Variants in DTNA observed in about 807,000 individuals in gnomAD.
DTNA encodes dystrobrevin alpha.
In DTNA, 43 loss-of-function variants were observed where a neutral mutation model predicts 100.7. The observed-to-expected ratio is 0.43, with a 90% CI of 0.33 to 0.55. DTNA has a LOEUF of 0.55. Ranked by LOEUF, DTNA falls within the 20% of genes least tolerant of loss-of-function variation. DTNA has a pLI of 0.04. For synonymous variants in DTNA, 349 were observed against 347.9 expected (o/e 1.00, Z -0.04); for missense variants, 798 against 953.9 (o/e 0.84, Z 2.15).
chr18:34,499,500 G>A lies in DTNA; in HGVS notation c.-2+5986G>A, dbSNP rs2039660049. On this transcript the variant is annotated intron_variant, in intron 1 of 19. Coordinates refer to the DTNA transcript ENST00000283365. ...TGTATAATATGTATTAATTTCTTTG[G>A]GATAAATTCCCAGAAGTTACACGTT... Among the ~76,000 whole-genome samples the A allele has an allele frequency of 2.0e-5, 3 of 151,938 alleles. 1 individual carries two copies. In the South Asian group the frequency reaches 6.2e-4, roughly 32 times the overall value.
At chr18:34,621,777 GTATTT>G (rs2056554242) in intron 1 of DTNA, among the ~76,000 whole-genome samples, 1 of 152,114 alleles carries the variant, frequency 6.6e-6, no homozygotes, top group South Asian at 2.1e-4. Context: ...TAAAAACAAT[GTATTT>G]TATTCTTGAA....
At chr18:34,626,876 C>T (rs1332890348) in intron 1 of DTNA, among the ~76,000 whole-genome samples, 2 of 152,184 alleles carry the variant, frequency 1.3e-5, no homozygotes, top group East Asian at 3.8e-4. Context: ...AATTTGGAAA[C>T]ATTTGTCTGT....
At chr18:34,601,784 C>T (rs1439803628) in intron 1 of DTNA, among the ~76,000 whole-genome samples, 1 of 152,204 alleles carries the variant, frequency 6.6e-6, no homozygotes, top group African/African-American at 2.4e-5. Flanking sequence ...TTCTCCACCA[C>T]TATGGAATTC....
chr18:34,790,563 ATATATTTTT>A (rs2094685853), intron 3 of DTNA, among the ~76,000 whole-genome samples: 1 of 104,736 alleles, frequency 9.5e-6, no homozygotes, highest in Admixed American at 9.6e-5. Flanking sequence ...ATATATATAT[ATATATTTTT>A]TTTTTTTTTT....
chr18:34,838,039 C>A, intron 11 of DTNA, 55 bp from the exon 12 acceptor site: 2 of 1,526,074 alleles, frequency 1.3e-6, no homozygotes, highest in South Asian at 1.1e-5. Context: ...AGTTTCTATT[C>A]TTGAATGCAT....
chr18:34,744,618 AAAG>A (rs1183718849), intron 1 of DTNA, among the ~76,000 whole-genome samples: 11 of 152,172 alleles, frequency 7.2e-5, no homozygotes, highest in Non-Finnish European at 1.3e-4. Flanking sequence ...AATAAGATGG[AAAG>A]AAGAAGAGAG....
intron 1 of DTNA, among the ~76,000 whole-genome samples, chr18:34,523,015 C>A (rs2042289275): frequency 6.6e-6 from 1 of 152,298 alleles, no homozygotes; most frequent in Non-Finnish European, 1.5e-5. Context: ...AACATTCAAG[C>A]AAAGAAATCA....
At position 34,890,424 on chromosome 18, in the gene DTNA, T is replaced by C. The variant is rs1382811716; in HGVS notation, c.*2690T>C. The C allele has an allele frequency of 8.5e-6, 13 of 1,536,018 alleles. No individual in the cohort carries two copies. In the East Asian group the frequency reaches 3.2e-4, roughly 38 times the overall value. On this transcript the variant is annotated 3_prime_UTR_variant, in exon 23 of 23. Coordinates refer to ENST00000444659, the MANE Select transcript of DTNA (RefSeq NM_001386795.1). ...CTTTCCTTGGCTCTCCAGATTTACT[T>C]TTGGGGCCTGTTCTAAGTGCAAACC...
intron 1 of DTNA, among the ~76,000 whole-genome samples, chr18:34,514,986 G>C (rs2041457541): frequency 6.6e-6 from 1 of 151,920 alleles, no homozygotes; most frequent in South Asian, 2.1e-4. Context: ...TTGCAGTGTG[G>C]GTGTTGGGAG....
At chr18:34,818,858 C>T (rs1013745596) in intron 8 of DTNA, among the ~76,000 whole-genome samples, 3 of 152,070 alleles carry the variant, frequency 2.0e-5, no homozygotes, top group South Asian at 2.1e-4. Context: ...TATTAGCAAA[C>T]CATCTTTTCA....
intron 1 of DTNA, among the ~76,000 whole-genome samples, chr18:34,599,502 G>A (rs2051329178): frequency 6.6e-6 from 1 of 152,186 alleles, no homozygotes; most frequent in Non-Finnish European, 1.5e-5. Context: ...CACTGGTACT[G>A]AAGGATATCA....
At chr18:34,786,675 G>A (rs1278359112) in intron 3 of DTNA, among the ~76,000 whole-genome samples, 21 of 151,032 alleles carry the variant, frequency 1.4e-4, no homozygotes, top group Admixed American at 1.4e-3. Context: ...GAAGATATAT[G>A]TATTCCCAAT....
intron 1 of DTNA, among the ~76,000 whole-genome samples, chr18:34,692,020 A>G (rs2079843220): frequency 6.6e-6 from 1 of 152,208 alleles, no homozygotes; most frequent in East Asian, 1.9e-4. Flanking sequence ...ATTATCAATC[A>G]CAGCACCATA....
intron 7 of DTNA, among the ~76,000 whole-genome samples, chr18:34,816,247 G>A (rs1344327725): frequency 1.3e-5 from 2 of 152,196 alleles, no homozygotes; most frequent in African/African-American, 4.8e-5. Flanking sequence ...TCAATTACAA[G>A]TCAGGTGTGG....
At chr18:34,616,480 C>T (rs986464937) in intron 1 of DTNA, among the ~76,000 whole-genome samples, 2 of 152,078 alleles carry the variant, frequency 1.3e-5, no homozygotes, top group Non-Finnish European at 2.9e-5. Context: ...ATCTACTATC[C>T]AGCGTCTACT....
chr18:34,779,031 C>T (rs538504159), intron 3 of DTNA, among the ~76,000 whole-genome samples: 5 of 151,564 alleles, frequency 3.3e-5, no homozygotes, highest in Admixed American at 6.6e-5. Flanking sequence ...ACCATGTTAG[C>T]GGGAAAGTAT....
chr18:34,702,540 C>G (rs1177541911), intron 1 of DTNA, among the ~76,000 whole-genome samples: 1 of 152,066 alleles, frequency 6.6e-6, no homozygotes, highest in Non-Finnish European at 1.5e-5. Context: ...AACTTGCTTC[C>G]CCCACAGGAA....
At chr18:34,783,415 G>T (rs997319109) in intron 3 of DTNA, among the ~76,000 whole-genome samples, 5 of 152,170 alleles carry the variant, frequency 3.3e-5, no homozygotes, top group African/African-American at 1.2e-4. Flanking sequence ...ACCTTTTCAT[G>T]AAGGTTTATT....
intron 1 of DTNA, among the ~76,000 whole-genome samples, chr18:34,577,340 A>G (rs1481126095): frequency 1.3e-5 from 2 of 152,204 alleles, no homozygotes; most frequent in Non-Finnish European, 2.9e-5. Flanking sequence ...CTTTCAATCA[A>G]TATGTGTTTT....
Sources: gnomAD v4.1 joint callset for allele counts (sites outside exome capture counted in the v4.1 genomes callset) on GRCh38, gnomAD v4.1.1 for gene constraint, MANE v1.5 for transcripts, NCBI Gene and HGNC (gene_info 2026-07-23, HGNC 2026-07-21) for gene names.